Variants in DAB1 observed in about 807,000 individuals in gnomAD.
DAB1 encodes DAB adaptor protein 1.
DAB1 carries 15 observed loss-of-function variants against 64.6 expected under a neutral mutation model. The observed-to-expected ratio is 0.23, with a 90% confidence interval of 0.16 to 0.36. The LOEUF is 0.36. Among genes scored for constraint, DAB1 ranks in the 10% least tolerant of loss-of-function variants. The pLI is 1.00. For synonymous variants in DAB1, 235 were observed against 251.9 expected (o/e 0.93, Z 0.64); for missense variants, 596 against 706.7 (o/e 0.84, Z 1.78).
rs10047072 is a variant in DAB1 at position 57,375,947 on chromosome 1, G to A, written c.-137+47983C>T. Among the ~76,000 whole-genome samples the A allele has an allele frequency of 1.1e-4, 16 of 152,038 alleles. No homozygotes were observed. The South Asian group carries it at 2.7e-3, about 26-fold the overall frequency. On this transcript the variant is annotated intron_variant, in intron 1 of 14. Coordinates refer to ENST00000371236, the MANE Select transcript of DAB1 (RefSeq NM_001365792.1). ...AGATGAATCGAGCATGGTTCCTGTC[G>A]TAAGGAAGTTTGATATAACTGCAGA...
intron 5 of DAB1, among the ~76,000 whole-genome samples, chr1:57,911,036 C>T (rs931741691): frequency 1.3e-5 from 2 of 152,214 alleles, no homozygotes; most frequent in Non-Finnish European, 2.9e-5. Flanking sequence ...AGTCATCATT[C>T]ATCCACCTGT....
chr1:57,603,237 T>A (rs553334755), intron 7 of DAB1, among the ~76,000 whole-genome samples: 3 of 152,176 alleles, frequency 2.0e-5, no homozygotes, highest in Non-Finnish European at 4.4e-5. Context: ...CCTCCCAAAG[T>A]GCTGGGATTA....
At chr1:58,438,819 C>A (rs1644973843) in intron 3 of DAB1, among the ~76,000 whole-genome samples, 1 of 152,222 alleles carries the variant, frequency 6.6e-6, no homozygotes, top group South Asian at 2.1e-4. Flanking sequence ...AAATCACCCT[C>A]TAACTTGGCT....
intron 1 of DAB1, among the ~76,000 whole-genome samples, chr1:57,858,241 C>T (rs941306224): frequency 6.6e-6 from 1 of 152,124 alleles, no homozygotes; most frequent in Non-Finnish European, 1.5e-5. Context: ...ATTATCTGTT[C>T]ACCTCCTTAT....
intron 9 of DAB1, among the ~76,000 whole-genome samples, chr1:57,059,203 A>G (rs375734905): frequency 1.3e-5 from 2 of 152,316 alleles, no homozygotes; most frequent in Admixed American, 6.5e-5. Flanking sequence ...CAATCCTCCA[A>G]ACAAAGCAAA....
At chr1:58,309,247 T>G (rs1248471756) in intron 4 of DAB1, among the ~76,000 whole-genome samples, 1 of 152,212 alleles carries the variant, frequency 6.6e-6, no homozygotes, top group Non-Finnish European at 1.5e-5. Flanking sequence ...GATGAGATGC[T>G]GGACAGGCAT....
intron 6 of DAB1, among the ~76,000 whole-genome samples, chr1:57,662,248 T>C (rs944820739): frequency 1.3e-5 from 2 of 152,166 alleles, no homozygotes; most frequent in African/African-American, 4.8e-5. Flanking sequence ...CAGGCTGGCG[T>C]GCAATGGCGC....
rs184703976 is a variant in DAB1, at chr1:57,633,783, A to C, written n.625+15809T>G. On this transcript the variant is annotated intron_variant and non_coding_transcript_variant, in intron 7 of 20. Transcript: ENST00000485760. Reference sequence around the variant, plus strand: ...GTGATGCCATTAGAGGAAGGGAGAGAGCCGGAGTGAAACACACGTACATTT... The same window carrying C: ...GTGATGCCATTAGAGGAAGGGAGAGCGCCGGAGTGAAACACACGTACATTT... Among the ~76,000 whole-genome samples, 515 of 152,288 alleles carry C rather than the reference A, an allele frequency of 3.4e-3. 4 individuals carry two copies. The highest frequency in any genetic ancestry group is 0.02 in the Middle Eastern group (6 of 294).
intron 5 of DAB1, among the ~76,000 whole-genome samples, chr1:57,939,599 C>T (rs1645074433): frequency 6.6e-6 from 1 of 152,164 alleles, no homozygotes; most frequent in Admixed American, 6.5e-5. Flanking sequence ...TAATTTCTTC[C>T]CAGAAATCTT....
chr1:57,959,237 G>A (rs560136497), intron 5 of DAB1, among the ~76,000 whole-genome samples: 1 of 152,296 alleles, frequency 6.6e-6, no homozygotes, highest in South Asian at 2.1e-4. Flanking sequence ...GTGGGGAATG[G>A]CACCTGCCTC....
At chr1:58,287,220 C>T (rs1427954571) in intron 4 of DAB1, among the ~76,000 whole-genome samples, 1 of 151,976 alleles carries the variant, frequency 6.6e-6, no homozygotes, top group Non-Finnish European at 1.5e-5. Context: ...GGGCTTAATA[C>T]CTAGGTGATG....
intron 1 of DAB1, among the ~76,000 whole-genome samples, chr1:58,531,151 G>A (rs1258618058): frequency 6.6e-6 from 1 of 152,046 alleles, no homozygotes; most frequent in East Asian, 1.9e-4. Context: ...TAATATAGTT[G>A]CATCATTTTA....
intron 5 of DAB1, among the ~76,000 whole-genome samples, chr1:57,894,881 C>T (rs1440516774): frequency 6.6e-6 from 1 of 152,056 alleles, no homozygotes; most frequent in Non-Finnish European, 1.5e-5. Flanking sequence ...CTTTACAGCC[C>T]ATTCAAACTA....
chr1:57,677,314 CT>C (rs1487963029), intron 6 of DAB1, among the ~76,000 whole-genome samples: 28 of 152,230 alleles, frequency 1.8e-4, no homozygotes, highest in African/African-American at 6.0e-4. Flanking sequence ...AATACAGTCA[CT>C]GTCTCTCTTT....
intron 1 of DAB1, among the ~76,000 whole-genome samples, chr1:57,835,276 A>C (rs772055700): frequency 1.3e-5 from 2 of 152,154 alleles, no homozygotes; most frequent in Non-Finnish European, 2.9e-5. Context: ...AGCTTGTTAT[A>C]AGCCAGGAAA....
At chr1:58,447,057 A>G (rs914943547) in intron 3 of DAB1, among the ~76,000 whole-genome samples, 2 of 152,196 alleles carry the variant, frequency 1.3e-5, no homozygotes, top group Non-Finnish European at 2.9e-5. Context: ...AATTGCTTTT[A>G]TCTTACTAGC....
chr1:58,472,268 T>C (rs1320730733), intron 3 of DAB1, among the ~76,000 whole-genome samples: 1 of 152,218 alleles, frequency 6.6e-6, no homozygotes, highest in Non-Finnish European at 1.5e-5. Context: ...ATGTACCCTA[T>C]GGAGGTGTGA....
At chr1:57,888,961 C>T (rs1452613103), upstream of DAB1, among the ~76,000 whole-genome samples, 1 of 152,202 alleles carries the variant, frequency 6.6e-6, no homozygotes, top group East Asian at 1.9e-4. Context: ...AGGGAGCATG[C>T]CCATTGCACA....
At chr1:58,302,611 T>C (rs1352623850) in intron 4 of DAB1, among the ~76,000 whole-genome samples, 1 of 152,196 alleles carries the variant, frequency 6.6e-6, no homozygotes, top group Non-Finnish European at 1.5e-5. Flanking sequence ...GTATGGACTC[T>C]GGACTCAGGC....
Sources: gnomAD v4.1 joint callset for allele counts (sites outside exome capture counted in the v4.1 genomes callset) on GRCh38, gnomAD v4.1.1 for gene constraint, MANE v1.5 for transcripts, NCBI Gene and HGNC (gene_info 2026-07-23, HGNC 2026-07-21) for gene names.